The following RALGAPA1 variants were observed in gnomAD, a reference collection of about 807,000 sequenced individuals.
RALGAPA1 encodes ral GTPase-activating protein subunit alpha-1.
A neutral mutation model predicts 269.6 loss-of-function variants in RALGAPA1; 52 were observed. The ratio of observed to expected loss-of-function variants is 0.19; its 90% confidence interval spans 0.15 to 0.24. The LOEUF (loss-of-function observed/expected upper bound fraction) is 0.24. RALGAPA1 is among the 10% of genes least tolerant of loss of function. The probability of loss-of-function intolerance (pLI) is 1.00; values close to 1 mark genes in which losing one functional copy is unlikely to be tolerated. For synonymous variants in RALGAPA1, 817 were observed against 1,008.3 expected, an observed-to-expected ratio of 0.81 and a Z score of 3.60; for missense variants, 1,917 against 3,013.9, an observed-to-expected ratio of 0.64 and a Z score of 8.52.
chr14:35,778,029 T>A (rs888228980), intron 1 of RALGAPA1, among the ~76,000 whole-genome samples: 2 of 152,108 alleles, frequency 1.3e-5, no homozygotes, highest in African/African-American at 2.4e-5. Context: ...CACTTTAAAC[T>A]CTTTCATGTA....
intron 10 of RALGAPA1, among the ~76,000 whole-genome samples, chr14:35,744,323 A>G (rs2071844929): frequency 6.6e-6 from 1 of 151,038 alleles, no homozygotes. Context: ...GTAAGCTGAG[A>G]TCACGCCACT....
intron 37 of RALGAPA1, 66 bp downstream of exon 37, chr14:35,595,568 C>G: frequency 1.5e-6 from 2 of 1,364,172 alleles, no homozygotes; most frequent in Non-Finnish European, 2.1e-6. Flanking sequence ...TTCTTACTTA[C>G]GTATTTTCTG....
rs192766494 is a variant in RALGAPA1, at chr14:35,731,832, G to A, written c.1588-3322C>T. 4.0e-5 allele frequency among the ~76,000 whole-genome samples: 6 copies of A among 151,208 alleles called. No homozygotes were observed. The East Asian group carries it at 1.2e-3, about 30-fold the overall frequency. ...ATATTTAGGGGAATAATCAAGGAAA[G>A]CTTCCCTGGCCTTGATAGAGACCTA... On this transcript the variant is annotated intron_variant, in intron 12 of 41. Transcript: ENST00000680220.
chr14:35,552,100 T>C (rs1024003483), intron 39 of RALGAPA1, among the ~76,000 whole-genome samples: 3 of 152,196 alleles, frequency 2.0e-5, no homozygotes, highest in South Asian at 2.1e-4. Context: ...GTTTCCCAGT[T>C]TGATGTAGCC....
At chr14:35,635,400 T>C in intron 32 of RALGAPA1, 64 bp downstream of exon 32, 1 of 1,453,750 alleles carries the variant, frequency 6.9e-7, no homozygotes, top group Non-Finnish European at 9.1e-7. Flanking sequence ...TACTGAGAAA[T>C]GTTATTTCTC....
intron 31 of RALGAPA1, among the ~76,000 whole-genome samples, chr14:35,644,598 T>A (rs1310401739): frequency 1.3e-5 from 2 of 152,116 alleles, no homozygotes; most frequent in Non-Finnish European, 2.9e-5. Context: ...GTTAATAATT[T>A]AAAAAAATAG....
At chr14:35,703,224 C>A (rs2067516316) in intron 16 of RALGAPA1, among the ~76,000 whole-genome samples, 1 of 152,178 alleles carries the variant, frequency 6.6e-6, no homozygotes, top group African/African-American at 2.4e-5. Context: ...GTAATCCCAG[C>A]ACTTTGGGAG....
chr14:35,796,238 G>A (rs1180888393), intron 1 of RALGAPA1, among the ~76,000 whole-genome samples: 2 of 152,018 alleles, frequency 1.3e-5, no homozygotes, highest in African/African-American at 4.8e-5. Context: ...CAGTTTCTGA[G>A]ATTAAAAAAT....
Position 35,539,355 on chromosome 14 carries a change from A to G in RALGAPA1, c.*359T>C. ...CTTGGATTGTGGGAAAAAAAATGAA[A>G]CAATAAATAACTTAAATCTTTAATA... On this transcript the variant is annotated 3_prime_UTR_variant, in exon 42 of 42. Coordinates refer to ENST00000680220, the MANE Select transcript of RALGAPA1 (RefSeq NM_001346249.2). 1 of 768,580 alleles carries G rather than the reference A, an allele frequency of 1.3e-6. No homozygotes were observed. Among genetic ancestry groups the G allele is most frequent in the Non-Finnish European group, 1.8e-6 (1 of 565,616 alleles). The allele number at this position is 768,580 out of a possible 1,614,324, so 47.6% of individuals were successfully genotyped here.
chr14:35,625,781 A>G (rs893615018), intron 34 of RALGAPA1, among the ~76,000 whole-genome samples: 3 of 152,230 alleles, frequency 2.0e-5, no homozygotes, highest in Non-Finnish European at 4.4e-5. Context: ...CTCATGAGAA[A>G]TAAAATATTC....
At chr14:35,709,555 CT>C (rs1463385275) in intron 16 of RALGAPA1, among the ~76,000 whole-genome samples, 1 of 151,984 alleles carries the variant, frequency 6.6e-6, no homozygotes, top group Non-Finnish European at 1.5e-5. Flanking sequence ...CTATTTTCAA[CT>C]TCCTTGTTTT....
intron 28 of RALGAPA1, 140 bp from the exon 29 acceptor site, chr14:35,656,055 C>A: frequency 1.4e-6 from 2 of 1,440,888 alleles, no homozygotes; most frequent in South Asian, 2.8e-5. Context: ...TAACTGGTAA[C>A]CAAAGAAGAG....
chr14:35,708,797 A>G (rs1273373415), intron 16 of RALGAPA1, among the ~76,000 whole-genome samples: 1 of 152,232 alleles, frequency 6.6e-6, no homozygotes, highest in Non-Finnish European at 1.5e-5. Context: ...CTGCACTCCC[A>G]TGTTTATTGC....
intron 1 of RALGAPA1, among the ~76,000 whole-genome samples, chr14:35,787,566 A>G (rs1475758362): frequency 6.6e-6 from 1 of 152,106 alleles, no homozygotes; most frequent in African/African-American, 2.4e-5. Context: ...ATTTCCTTTC[A>G]TTCATTTAAT....
intron 4 of RALGAPA1, among the ~76,000 whole-genome samples, chr14:35,769,038 ATATATATATAT>A (rs1567193012): frequency 7.7e-4 from 28 of 36,386 alleles, no homozygotes; most frequent in African/African-American, 2.3e-3. Context: ...AAAAAAAAAT[ATATATATATAT>A]ATATATATAT....
intron 31 of RALGAPA1, among the ~76,000 whole-genome samples, chr14:35,649,340 A>G (rs1222219074): frequency 6.6e-6 from 1 of 152,212 alleles, no homozygotes; most frequent in African/African-American, 2.4e-5. Flanking sequence ...CTTTTAAGTC[A>G]ACTTTCACAT....
chr14:35,671,997 T>C (rs1397048495), intron 25 of RALGAPA1, among the ~76,000 whole-genome samples: 1 of 152,194 alleles, frequency 6.6e-6, no homozygotes, highest in African/African-American at 2.4e-5. Context: ...TAGGCACTTT[T>C]AAGGGAATGT....
chr14:35,659,052 C>A (rs1244288692), intron 28 of RALGAPA1, 86 bp downstream of exon 28: 2 of 876,308 alleles, frequency 2.3e-6, no homozygotes, highest in African/African-American at 1.7e-5. Flanking sequence ...GTATCTAAAA[C>A]AATCTGGGCT....
intron 29 of RALGAPA1, 122 bp downstream of exon 29, chr14:35,655,685 T>C: frequency 7.5e-7 from 1 of 1,341,072 alleles, no homozygotes; most frequent in East Asian, 2.6e-5. Flanking sequence ...ATCAAGAAAA[T>C]AATAGAATAA....
Sources: allele counts gnomAD v4.1 joint callset (sites outside exome capture counted in the v4.1 genomes callset), GRCh38; gene constraint gnomAD v4.1.1; transcripts MANE v1.5; gene names NCBI Gene and HGNC (gene_info 2026-07-23, HGNC 2026-07-21).